The following MGRN1 variants were observed in gnomAD, a reference collection of about 807,000 sequenced individuals.
MGRN1 encodes mahogunin ring finger 1.
A neutral mutation model predicts 69.2 loss-of-function variants in MGRN1; 29 were observed. The observed-to-expected ratio is 0.42, with a 90% CI of 0.31 to 0.57. MGRN1 has a LOEUF of 0.57. Ranked by LOEUF, MGRN1 falls within the 20% of genes least tolerant of loss-of-function variation. The pLI, the probability that MGRN1 is intolerant of heterozygous loss-of-function variation, is 0.15. For synonymous variants in MGRN1, 470 were observed against 344.2 expected (o/e 1.37, Z -4.04); for missense variants, 998 against 796.2 (o/e 1.25, Z -3.05).
chr16:4,655,257 C>T (rs1436818615), intron 4 of MGRN1, among the ~76,000 whole-genome samples: 2 of 152,150 alleles, frequency 1.3e-5, no homozygotes, highest in Non-Finnish European at 2.9e-5. Context: ...CTCCAGCTGT[C>T]AGGGGCTGGG....
intron 16 of MGRN1, chr16:4,686,506 C>G: frequency 7.2e-7 from 1 of 1,381,478 alleles, no homozygotes; most frequent in Non-Finnish European, 9.3e-7. Context: ...CTGGGGGGTC[C>G]TGACTTTCGG....
intron 8 of MGRN1, among the ~76,000 whole-genome samples, chr16:4,668,675 CAT>C (rs1231226111): frequency 2.6e-5 from 4 of 151,738 alleles, no homozygotes; most frequent in South Asian, 2.1e-4. Context: ...CACACATATA[CAT>C]AGACACACTC....
chr16:4,680,112 C>G lies in MGRN1; in HGVS notation c.1131+15C>G. Reference sequence around the variant, plus strand: ...AAAGGGAAACAGTAAGTGTCTGGTCCTCCGGCTACGTTTTTTTGCCCCCGC... The same window carrying G: ...AAAGGGAAACAGTAAGTGTCTGGTCGTCCGGCTACGTTTTTTTGCCCCCGC... On this transcript the variant is annotated intron_variant, in intron 12 of 16. Transcript: ENST00000262370. 1 of 1,613,152 alleles carries G rather than the reference C, an allele frequency of 6.2e-7. No homozygotes were observed. Among genetic ancestry groups the G allele is most frequent in the Non-Finnish European group, 8.5e-7 (1 of 1,179,398 alleles).
chr16:4,635,935 C>T (rs997255511), intron 1 of MGRN1, among the ~76,000 whole-genome samples: 1 of 150,992 alleles, frequency 6.6e-6, no homozygotes, highest in Non-Finnish European at 1.5e-5. Flanking sequence ...ATGTGACTAC[C>T]GTGCCCGGCC....
At position 4,683,848 on chromosome 16, in the gene MGRN1, C is replaced by G. The variant is rs199984936; in HGVS notation, c.1534C>G (p.Arg512Gly). ...DESSSPQQGT[R>G]AASIENVLQD... ...ACCTCACCCTCTGCCTGCAGGGACC[C>G]GAGCAGCTTCCATTGAGAATGTCCT... Residue 512 changes from arginine (R) to glycine (G), a missense_variant, in exon 16 of 17, where the codon CGA (arginine) becomes GGA (glycine). By Grantham distance (125) the Arg-to-Gly change is moderately radical. Coordinates refer to ENST00000262370, the MANE Select transcript of MGRN1 (RefSeq NM_015246.4). 3 of 1,612,356 alleles carry G rather than the reference C, an allele frequency of 1.9e-6. No individual in the cohort carries two copies. The highest frequency in any genetic ancestry group is 1.3e-5 in the African/African-American group (1 of 74,996).
At position 4,673,410 on chromosome 16, in the gene MGRN1, G is replaced by A. The variant is rs552408343; in HGVS notation, c.796-88G>A. 7.3e-5 allele frequency: 111 copies of A among 1,515,108 alleles called. 1 individual carries two copies. The highest frequency in any genetic ancestry group is 9.8e-5 in the Non-Finnish European group (110 of 1,120,418). 93.9% of individuals were successfully genotyped at this position (1,515,108 alleles called of 1,614,324 possible). On this transcript the variant is annotated intron_variant, in intron 9 of 16. Coordinates refer to ENST00000262370, the MANE Select transcript of MGRN1 (RefSeq NM_015246.4). ...TCATGACAGCCCCCAGGGTAGGGTG[G>A]AGTGGGGTGGGACAGCTGGGGACAG...
Position 4,668,291 on chromosome 16 carries a change from G to C in MGRN1, c.705G>C (p.Lys235Asn). The C allele has an allele frequency of 6.2e-7, 1 of 1,614,066 alleles. No homozygotes were observed. Among genetic ancestry groups the C allele is most frequent in the Admixed American group, 1.7e-5 (1 of 59,996 alleles). Residue 235 changes from lysine to asparagine, a missense_variant, in exon 8 of 17, where the codon AAG becomes AAC. Physicochemically the swap from Lys to Asn is moderately conservative, Grantham distance 94 (BLOSUM62 0). Transcript: ENST00000262370. ...ACATGGACGGCAGCTTCTCTGTGAA[G>C]CCTTTAAAGCAGAAGCAAATTGTAA... ...EKHMDGSFSV[K>N]PLKQKQIVDR...
chr16:4,676,023 C>G (rs1043948553), intron 10 of MGRN1, among the ~76,000 whole-genome samples: 8 of 152,236 alleles, frequency 5.3e-5, no homozygotes, highest in Admixed American at 5.2e-4. Context: ...GGGGATTTGC[C>G]TGCGCAGCTG....
chr16:4,687,386 A>G (rs2079351335), intron 16 of MGRN1: 4 of 922,318 alleles, frequency 4.3e-6, no homozygotes, highest in Non-Finnish European at 5.2e-6. Context: ...CTCTATGAAA[A>G]ATAAAAAATT....
At chr16:4,631,138 C>T (rs1897981793) in intron 1 of MGRN1, among the ~76,000 whole-genome samples, 1 of 152,090 alleles carries the variant, frequency 6.6e-6, no homozygotes, top group East Asian at 1.9e-4. Context: ...ATTTGTTTCA[C>T]TTATGGCTTG....
Position 4,642,157 on chromosome 16 carries a change from G to A in MGRN1, c.89-8208G>A, listed in dbSNP as rs1015461267. On this transcript the variant is annotated intron_variant, in intron 1 of 16. Transcript: ENST00000262370. ...TTTTTTTTTTTTTTTAAAAAAGACC[G>A]TCTTGCTCTTTCGCCCAGGCTGGAG... Among the ~76,000 whole-genome samples, 28 of 137,108 alleles carry A rather than the reference G, an allele frequency of 2.0e-4. No individual in the cohort carries two copies. In the East Asian group the frequency reaches 3.8e-3, roughly 19 times the overall value. 89.9% of individuals were successfully genotyped at this position (137,108 alleles called of 152,430 possible).
intron 16 of MGRN1, chr16:4,686,266 G>A (rs1262984287): frequency 6.5e-7 from 1 of 1,544,306 alleles, no homozygotes; most frequent in Non-Finnish European, 8.7e-7. Flanking sequence ...CAGCCCTGGG[G>A]CCCGACTCCT....
In MGRN1 at chr16:4,635,482, T is replaced by G. The variant is rs181089124; in HGVS notation, c.88+10434T>G. 7.2e-5 allele frequency among the ~76,000 whole-genome samples: 11 copies of G among 152,152 alleles called. No homozygotes were observed. The East Asian group carries it at 1.2e-3, about 16-fold the overall frequency. On this transcript the variant is annotated intron_variant, in intron 1 of 16. Coordinates refer to ENST00000262370, the MANE Select transcript of MGRN1 (RefSeq NM_015246.4). ...GCTAACATATTCTTTTTTTTTTCTT[T>G]TTTTCGAGACAGAGTCTTGCTCTGT...
chr16:4,662,186 G>GT (rs917476598), intron 5 of MGRN1, among the ~76,000 whole-genome samples: 2 of 152,150 alleles, frequency 1.3e-5, no homozygotes, highest in African/African-American at 4.8e-5. Context: ...GTTGACAAAT[G>GT]TTAGGAAGAA....
intron 1 of MGRN1, chr16:4,640,546 C>T (rs2078135766): frequency 6.6e-6 from 1 of 152,232 alleles, no homozygotes; most frequent in Non-Finnish European, 1.5e-5. Context: ...GACAGTAAAC[C>T]AGGGGAGAAG....
In MGRN1 at chr16:4,677,467, C is replaced by T. The variant is rs1261026272; in HGVS notation, c.960C>T (p.Phe320=). ...TGAGCCCTCCTTCTGCCGCAGCTTTCCGGGCCCTCCTGCAGATCCGGGCGG... is the reference window on the plus strand; with the variant it reads ...TGAGCCCTCCTTCTGCCGCAGCTTTTCGGGCCCTCCTGCAGATCCGGGCGG... The part of the protein sequence containing the change: ...ANNCPICRLP[F]RALLQIRAVR... Residue 320 remains phenylalanine, a synonymous_variant, in exon 11 of 17, where the codon TTC becomes TTT. Transcript: ENST00000262370. 3.2e-6 allele frequency: 5 copies of T among 1,555,104 alleles called. No individual in the cohort carries two copies. Among genetic ancestry groups the T allele is most frequent in the Non-Finnish European group, 4.3e-6 (5 of 1,153,626 alleles).
rs550357002 is a variant in MGRN1 at position 4,637,424 on chromosome 16, T to C, written c.88+12376T>C. ...CAGCCTGAGCGACAGAGTGAGACTG[T>C]CTCAAAGAAAAAAACAAAAAAAAAA... On this transcript the variant is annotated intron_variant, in intron 1 of 16. Coordinates refer to ENST00000262370, the MANE Select transcript of MGRN1 (RefSeq NM_015246.4). Among the ~76,000 whole-genome samples the C allele has an allele frequency of 2.0e-5, 3 of 152,072 alleles. No individual in the cohort carries two copies. In the South Asian group the frequency reaches 6.2e-4, roughly 32 times the overall value.
intron 1 of MGRN1, among the ~76,000 whole-genome samples, chr16:4,629,793 C>T (rs994580713): frequency 3.3e-5 from 5 of 150,832 alleles, no homozygotes; most frequent in Non-Finnish European, 7.4e-5. Flanking sequence ...TGCCTGTCAT[C>T]TCAGCATTTT....
At chr16:4,680,244 C>T in intron 12 of MGRN1, 147 bp downstream of exon 12, 1 of 775,660 alleles carries the variant, frequency 1.3e-6, no homozygotes, top group Non-Finnish European at 2.0e-6. Flanking sequence ...GCCTCCCTGC[C>T]CAGGGAGTTT....
Sources: allele counts gnomAD v4.1 joint callset (sites outside exome capture counted in the v4.1 genomes callset), GRCh38; gene constraint gnomAD v4.1.1; transcripts MANE v1.5; gene names NCBI Gene and HGNC (gene_info 2026-07-23, HGNC 2026-07-21).